Variants in APC observed in about 807,000 individuals in gnomAD.
APC encodes adenomatous polyposis coli protein.
APC carries 72 observed loss-of-function variants against 247.0 expected under a neutral mutation model. That is an observed-to-expected ratio of 0.29 (90% CI 0.24 to 0.35). The LOEUF is 0.35. Ranked by LOEUF, APC falls within the 10% of genes least tolerant of loss-of-function variation. APC has a pLI of 1.00. For synonymous variants in APC, 1,254 were observed against 1,162.5 expected, an observed-to-expected ratio of 1.08 and a Z score of -1.60; for missense variants, 3,400 against 3,360.7, an observed-to-expected ratio of 1.01 and a Z score of -0.29.
chr5:112,738,515 T>G, intron 1 of APC: 1 of 984,934 alleles, frequency 1.0e-6, no homozygotes, highest in South Asian at 4.7e-5. Context: ...TCACCAGTAG[T>G]GTGCCTGCTT....
rs1766011377 is a variant in APC, at chr5:112,841,285, C to T, written c.5691C>T (p.His1897=). 1 of 1,613,938 alleles carries T rather than the reference C, an allele frequency of 6.2e-7. No individual in the cohort carries two copies. The highest frequency in any genetic ancestry group is 1.1e-5 in the South Asian group (1 of 91,080). ...NKESEAKVTS[H]TELTSNQQSA... The stretch of plus-strand genomic sequence containing the variant: ...AATCAGAGGCTAAAGTTACCAGCCA[C>T]ACAGAACTAACCTCCAACCAACAAT... Residue 1897 remains histidine, a synonymous_variant, in exon 16 of 16, where the codon CAC becomes CAT. Transcript: ENST00000257430. The surrounding 1 kb of genome is among the most constrained non-coding windows in gnomAD (Gnocchi z 4.6).
At position 112,842,300 on chromosome 5, in the gene APC, G is replaced by T. The variant is rs1766280994; in HGVS notation, c.6706G>T (p.Val2236Phe). The part of the protein sequence containing the change: ...RGRTMIHIPG[V>F]RNSSSSTSPV... ...CAGGACAATGATTCATATTCCAGGA[G>T]TTCGAAATAGCTCCTCAAGTACAAG... The change falls in exon 16 of 16, where the codon GTT (valine) becomes TTT (phenylalanine). Residue 2236 changes from valine to phenylalanine, a missense_variant. Physicochemically the swap from Val to Phe is conservative, Grantham distance 50. Transcript: ENST00000257430. 3 of 1,613,904 alleles carry T rather than the reference G, an allele frequency of 1.9e-6. No individual in the cohort carries two copies. The highest frequency in any genetic ancestry group is 2.5e-6 in the Non-Finnish European group (3 of 1,179,850).
chr5:112,756,208 C>T (rs1754967097), intron 2 of APC, among the ~76,000 whole-genome samples: 1 of 152,176 alleles, frequency 6.6e-6, no homozygotes, highest in African/African-American at 2.4e-5. Flanking sequence ...ATCATCACAG[C>T]TCAACCTTTG....
chr5:112,712,935 C>T (rs1750941468), intron 1 of APC, among the ~76,000 whole-genome samples: 1 of 152,150 alleles, frequency 6.6e-6, no homozygotes, highest in Non-Finnish European at 1.5e-5. Flanking sequence ...CTTGGGGAGG[C>T]TGAGGCGGGC....
chr5:112,761,761 C>G (rs1561455028), intron 2 of APC, among the ~76,000 whole-genome samples: 1 of 152,112 alleles, frequency 6.6e-6, no homozygotes. Context: ...ACTAAGAACT[C>G]TTGTTCATCA....
At chr5:112,827,286 G>A in intron 12 of APC, 39 bp downstream of exon 12, 1 of 1,608,504 alleles carries the variant, frequency 6.2e-7, no homozygotes, top group Non-Finnish European at 8.5e-7. Flanking sequence ...GATAGCTCAG[G>A]TATGAGTTAA....
intron 7 of APC, among the ~76,000 whole-genome samples, chr5:112,798,798 G>T (rs989452920): frequency 5.3e-5 from 8 of 152,148 alleles, no homozygotes; most frequent in Non-Finnish European, 1.2e-4. Flanking sequence ...AATGTTAAAT[G>T]GTAGTTTGGG....
chr5:112,738,815 C>A (rs1752641937), intron 1 of APC, among the ~76,000 whole-genome samples: 1 of 152,190 alleles, frequency 6.6e-6, no homozygotes, highest in South Asian at 2.1e-4. Flanking sequence ...AATGTTTTGT[C>A]ATTGGAATGT....
rs1172454959 is a variant in APC, at chr5:112,839,948, G to T, written c.4354G>T (p.Val1452Leu). 2.5e-6 allele frequency: 4 copies of T among 1,614,074 alleles called. No individual in the cohort carries two copies. Among genetic ancestry groups the T allele is most frequent in the South Asian group, 1.1e-5 (1 of 91,074 alleles). ...TCAAACAGCTCAAACCAAGCGAGAA[G>T]TACCTAAAAATAAAGCACCTACTGC... ...PPQTAQTKRE[V>L]PKNKAPTAEK... is the part of the protein sequence containing the mutation. Residue 1452 changes from valine to leucine, a missense_variant, in exon 16 of 16, where the codon GTA (valine) becomes TTA (leucine). Physicochemically the swap from Val to Leu is conservative, Grantham distance 32. This residue lies in a region of APC where 1,788 missense variants were observed against 1,649.5 expected (regional missense o/e 1.08). Coordinates refer to ENST00000257430, the MANE Select transcript of APC (RefSeq NM_000038.6). The surrounding 1 kb of genome is among the most constrained non-coding windows in gnomAD (Gnocchi z 5.0).
intron 1 of APC, among the ~76,000 whole-genome samples, chr5:112,710,993 T>C (rs887848008): frequency 6.6e-6 from 1 of 152,260 alleles, no homozygotes; most frequent in African/African-American, 2.4e-5. Context: ...TTAAAAGTTA[T>C]CTGTGACCTC....
At chr5:112,798,381 C>T (rs1760432247) in intron 7 of APC, among the ~76,000 whole-genome samples, 2 of 152,096 alleles carry the variant, frequency 1.3e-5, no homozygotes, top group South Asian at 2.1e-4. Flanking sequence ...ACAAAAAGTA[C>T]ATTAGTGGTT....
chr5:112,843,686 A>G lies in APC; in HGVS notation c.8092A>G (p.Lys2698Glu). 1 of 1,614,100 alleles carries G rather than the reference A, an allele frequency of 6.2e-7. No homozygotes were observed. The highest frequency in any genetic ancestry group is 8.5e-7 in the Non-Finnish European group (1 of 1,179,950). The change falls in exon 16 of 16, where the codon AAA becomes GAA. Residue 2698 changes from lysine to glutamate, a missense_variant. Transcript: ENST00000257430. The surrounding 1 kb of genome is among the most constrained non-coding windows in gnomAD (Gnocchi z 4.8). ...EKANPNIKDSKDNQAKQNVGN... is the reference protein window; with the variant it reads ...EKANPNIKDSEDNQAKQNVGN... ...GGCAAATCCAAACATTAAAGATTCA[A>G]AAGATAATCAGGCAAAACAAAATGT... is the stretch of plus-strand genomic sequence containing the variant.
In APC at chr5:112,842,799, A is replaced by G. The variant is rs745843442; in HGVS notation, c.7205A>G (p.Asn2402Ser). The G allele has an allele frequency of 4.3e-6, 7 of 1,613,532 alleles. No individual in the cohort carries two copies. Among genetic ancestry groups the G allele is most frequent in the Non-Finnish European group, 5.9e-6 (7 of 1,179,578 alleles). The change falls in exon 16 of 16, where the codon AAT becomes AGT. Residue 2402 changes from asparagine (N) to serine (S), a missense_variant. Physicochemically the swap from Asn to Ser is conservative, Grantham distance 46. This residue lies in a region of APC where 1,788 missense variants were observed against 1,649.5 expected (regional missense o/e 1.08). Transcript: ENST00000257430. ...AGTGAGTCTGCCTCCAAAGGACTAAATCAGATGAATAATGGTAATGGAGCC... is the reference window on the plus strand; with the variant it reads ...AGTGAGTCTGCCTCCAAAGGACTAAGTCAGATGAATAATGGTAATGGAGCC... ...PRSESASKGL[N>S]QMNNGNGANK...
At chr5:112,783,732 G>T (rs1338297015) in intron 6 of APC, 4 of 308,920 alleles carry the variant, frequency 1.3e-5, no homozygotes, top group Non-Finnish European at 6.1e-6. Flanking sequence ...AGGAGTTCAA[G>T]GCTGCAGTGA....
At chr5:112,806,484 T>C (rs1262608363) in intron 8 of APC, among the ~76,000 whole-genome samples, 2 of 152,234 alleles carry the variant, frequency 1.3e-5, no homozygotes, top group African/African-American at 2.4e-5. Flanking sequence ...GAGTAAATTA[T>C]ACAGGCCAGA....
At position 112,832,995 on chromosome 5, in the gene APC, T is replaced by C. The variant is rs562425311; in HGVS notation, c.1744-1956T>C. Among the ~76,000 whole-genome samples, 21 of 151,796 alleles carry C rather than the reference T, an allele frequency of 1.4e-4. 1 individual carries two copies. The highest frequency in any genetic ancestry group is 9.7e-4 in the East Asian group (5 of 5,138). On this transcript the variant is annotated intron_variant, in intron 14 of 15. Transcript: ENST00000257430. ...GATGGATATATAGTAAGAAGACAGA[T>C]TGACATCACCATCATGCCAAGTTTT... is the stretch of plus-strand genomic sequence containing the variant.
chr5:112,839,927 A>G lies in APC; in HGVS notation c.4333A>G (p.Thr1445Ala), dbSNP rs587780597. The G allele has an allele frequency of 1.5e-5, 25 of 1,613,938 alleles. No individual in the cohort carries two copies. The highest frequency in any genetic ancestry group is 1.9e-5 in the Non-Finnish European group (22 of 1,180,008). Residue 1445 changes from threonine (T) to alanine (A), a missense_variant, in exon 16 of 16, where the codon ACA becomes GCA. Coordinates refer to ENST00000257430, the MANE Select transcript of APC (RefSeq NM_000038.6). This position sits in a 1 kb window ranked among gnomAD's most constrained non-coding sequence, Gnocchi z 5.0. ...TAAAACACCTCCACCACCTCCTCAA[A>G]CAGCTCAAACCAAGCGAGAAGTACC... ...RSKTPPPPPQTAQTKREVPKN... is the reference protein window; with the variant it reads ...RSKTPPPPPQAAQTKREVPKN...
At chr5:112,833,257 A>G (rs1467860491) in intron 14 of APC, among the ~76,000 whole-genome samples, 1 of 146,952 alleles carries the variant, frequency 6.8e-6, no homozygotes, top group Non-Finnish European at 1.5e-5. Context: ...ATCTCGGCTC[A>G]CTGCAACCTC....
rs191417536 is a variant in APC, at chr5:112,716,514, T to C, written c.165+8632T>C. Among the ~76,000 whole-genome samples the C allele has an allele frequency of 5.9e-5, 9 of 152,300 alleles. No individual in the cohort carries two copies. In the East Asian group the frequency reaches 1.7e-3, roughly 29 times the overall value. On this transcript the variant is annotated intron_variant, in intron 1 of 13. Transcript: ENST00000507379. ...ATGGCCCAGTATATTGTCTTTTTTT[T>C]CCTCTCCATTTATTGAGTGCAGGTC...
Sources: gnomAD v4.1 joint callset for allele counts (sites outside exome capture counted in the v4.1 genomes callset) on GRCh38, gnomAD v4.1.1 for gene constraint, gnomAD v4.1.1 regional missense constraint, Gnocchi (gnomAD v3.1) non-coding constraint, MANE v1.5 for transcripts, NCBI Gene and HGNC (gene_info 2026-07-23, HGNC 2026-07-21) for gene names.